HIP1: variants seen among roughly 807,000 people sequenced by gnomAD.
HIP1 encodes huntingtin interacting protein 1.
A neutral mutation model predicts 147.6 loss-of-function variants in HIP1; 65 were observed. That is an observed-to-expected ratio of 0.44 (90% CI 0.36 to 0.54). The LOEUF is 0.54. Among genes scored for constraint, HIP1 ranks in the 20% least tolerant of loss-of-function variants. The pLI is 0.00. For synonymous variants in HIP1, 479 were observed against 504.0 expected (o/e 0.95, Z 0.67); for missense variants, 1,061 against 1,299.6 (o/e 0.82, Z 2.82).
Position 75,541,937 on chromosome 7 carries a change from G to C in HIP1, c.2934C>G (p.Arg978=). 6.2e-7 allele frequency: 1 copy of C among 1,613,526 alleles called. No individual in the cohort carries two copies. Among genetic ancestry groups the C allele is most frequent in the Non-Finnish European group, 8.5e-7 (1 of 1,179,466 alleles). The stretch of plus-strand genomic sequence containing the variant: ...CTCTCACCTGAGAATCCATCTCTTG[G>C]CGTTTGATCTGTGTCAGCGTCATGC... ...FSSMTLTQIK[R]QEMDSQVRVL... is the part of the protein sequence containing the mutation. The change falls in exon 29 of 31, where the codon CGC becomes CGG. Residue 978 remains arginine (R), a synonymous_variant. Coordinates refer to ENST00000336926, the MANE Select transcript of HIP1 (RefSeq NM_005338.7).
chr7:75,569,603 T>C (rs1430146226), intron 8 of HIP1, among the ~76,000 whole-genome samples: 7 of 152,088 alleles, frequency 4.6e-5, no homozygotes, highest in African/African-American at 1.7e-4. Context: ...AGCGAGACCC[T>C]GTCTTGAAAC....
intron 22 of HIP1, 110 bp downstream of exon 22, chr7:75,553,343 G>C: frequency 1.5e-6 from 2 of 1,328,782 alleles, no homozygotes; most frequent in Non-Finnish European, 2.1e-6. Context: ...CTAGAATCAA[G>C]TTCTAAGTGC....
In HIP1 at chr7:75,559,712, C is replaced by G; in HGVS notation, c.1375+20G>C. ...CGCGCCTGCCCCCGGGGCCCGCCCC[C>G]GCCCCCACCCACCGCTCACTTTCTA... On this transcript the variant is annotated intron_variant, in intron 14 of 30. Transcript: ENST00000336926. The G allele has an allele frequency of 7.5e-7, 1 of 1,336,404 alleles. No individual in the cohort carries two copies. The highest frequency in any genetic ancestry group is 1.0e-6 in the Non-Finnish European group (1 of 993,160). The allele number at this position is 1,336,404 out of a possible 1,614,324, so 82.8% of individuals were successfully genotyped here. A position where few individuals can be genotyped will look rare whatever the true frequency, so the allele number is the denominator to read the frequency against.
intron 1 of HIP1, among the ~76,000 whole-genome samples, chr7:75,610,499 C>T (rs1797394249): frequency 6.6e-6 from 1 of 151,974 alleles, no homozygotes; most frequent in East Asian, 1.9e-4. Context: ...TGTGAGCCAC[C>T]GCACCTGGCC....
chr7:75,588,544 G>A (rs1796363983), intron 4 of HIP1, among the ~76,000 whole-genome samples: 2 of 152,134 alleles, frequency 1.3e-5, no homozygotes, highest in Admixed American at 6.6e-5. Context: ...AGTGCTTTGG[G>A]AGGCTGAGGT....
chr7:75,598,919 C>T (rs1554502461), intron 2 of HIP1, among the ~76,000 whole-genome samples: 1 of 152,136 alleles, frequency 6.6e-6, no homozygotes, highest in Non-Finnish European at 1.5e-5. Flanking sequence ...AAAAGGAGTG[C>T]TTAAGTCCTT....
intron 1 of HIP1, among the ~76,000 whole-genome samples, chr7:75,633,707 TG>T (rs1798319765): frequency 6.6e-6 from 1 of 152,216 alleles, no homozygotes; most frequent in Admixed American, 6.5e-5. Flanking sequence ...GGCATCATTT[TG>T]CACAGCGATC....
chr7:75,534,405 G>C lies in HIP1; in HGVS notation c.*3767C>G, dbSNP rs1794005149. ...AGATATAAAATAACCCTGCCAAGAT[G>C]GCTCTTCTCTTCTATTTCTTTCTCT... On this transcript the variant is annotated 3_prime_UTR_variant, in exon 31 of 31. Coordinates refer to ENST00000336926, the MANE Select transcript of HIP1 (RefSeq NM_005338.7). 5.1e-6 allele frequency: 1 copy of C among 196,960 alleles called. No homozygotes were observed. Among genetic ancestry groups the C allele is most frequent in the Non-Finnish European group, 1.1e-5 (1 of 95,124 alleles). 12.2% of individuals were successfully genotyped at this position (196,960 alleles called of 1,614,324 possible).
chr7:75,729,831 AG>A (rs2117402271), intron 1 of HIP1, among the ~76,000 whole-genome samples: 1 of 152,272 alleles, frequency 6.6e-6, no homozygotes, highest in Non-Finnish European at 1.5e-5. Context: ...GTTGGATTTG[AG>A]GGACACTGTC....
intron 1 of HIP1, among the ~76,000 whole-genome samples, chr7:75,619,590 T>C (rs1326290500): frequency 5.3e-5 from 8 of 150,396 alleles, no homozygotes; most frequent in African/African-American, 1.7e-4. Context: ...ATGGTGGAAA[T>C]GTGAAGAATG....
intron 1 of HIP1, among the ~76,000 whole-genome samples, chr7:75,684,120 A>G (rs78599566): frequency 6.6e-6 from 1 of 151,982 alleles, no homozygotes; most frequent in East Asian, 1.9e-4. Context: ...CCTGAGCGAC[A>G]TAGTGAGACT....
At chr7:75,539,272 C>T (rs782324245) in intron 30 of HIP1, 51 bp downstream of exon 30, 2 of 1,373,718 alleles carry the variant, frequency 1.5e-6, no homozygotes, top group Admixed American at 1.7e-5. Flanking sequence ...CCTGGCCACA[C>T]AGCTTCCCCT....
At chr7:75,688,439 T>A (rs1279510917) in intron 1 of HIP1, among the ~76,000 whole-genome samples, 2 of 149,816 alleles carry the variant, frequency 1.3e-5, no homozygotes, top group African/African-American at 2.5e-5. Context: ...GTGGGGGGGA[T>A]GAGCTGTCGG....
At chr7:75,553,757 C>T (rs1232581037) in intron 21 of HIP1, among the ~76,000 whole-genome samples, 168 bp from the exon 22 acceptor site, 9 of 152,184 alleles carry the variant, frequency 5.9e-5, no homozygotes, top group Admixed American at 3.9e-4. Context: ...GGGTGCGCCA[C>T]CATGCCCGGC....
chr7:75,669,334 C>T (rs575122802), intron 1 of HIP1, among the ~76,000 whole-genome samples: 16 of 152,136 alleles, frequency 1.1e-4, no homozygotes, highest in Non-Finnish European at 1.8e-4. Flanking sequence ...GATCATGCCA[C>T]TGCACTCTAG....
At chr7:75,646,425 G>C (rs1798805806) in intron 1 of HIP1, among the ~76,000 whole-genome samples, 1 of 152,242 alleles carries the variant, frequency 6.6e-6, no homozygotes, top group Non-Finnish European at 1.5e-5. Context: ...GCAGTGCTTT[G>C]CTGACCACAG....
chr7:75,665,306 C>T (rs1358776443), intron 1 of HIP1, among the ~76,000 whole-genome samples: 1 of 151,956 alleles, frequency 6.6e-6, no homozygotes, highest in Non-Finnish European at 1.5e-5. Context: ...GGTCTGGCTG[C>T]AGGAAGCAGA....
intron 1 of HIP1, among the ~76,000 whole-genome samples, chr7:75,609,426 C>T (rs1797343161): frequency 1.3e-5 from 2 of 152,280 alleles, no homozygotes; most frequent in Admixed American, 6.5e-5. Context: ...ACCAGTTTCC[C>T]ATGGCTCACT....
intron 1 of HIP1, among the ~76,000 whole-genome samples, chr7:75,692,792 T>G (rs1554518301): frequency 6.6e-6 from 1 of 152,090 alleles, no homozygotes; most frequent in Non-Finnish European, 1.5e-5. Context: ...CATAATTCTC[T>G]TGGATATCCT....
Sources: allele counts gnomAD v4.1 joint callset (sites outside exome capture counted in the v4.1 genomes callset), GRCh38; gene constraint gnomAD v4.1.1; transcripts MANE v1.5; gene names NCBI Gene and HGNC (gene_info 2026-07-23, HGNC 2026-07-21).